The following TSPEAR variants were observed in gnomAD, a reference collection of about 807,000 sequenced individuals.
TSPEAR encodes thrombospondin-type laminin G domain and EAR repeat-containing protein.
In TSPEAR, 69 loss-of-function variants were observed where a neutral mutation model predicts 71.6. That is an observed-to-expected ratio of 0.96 (90% CI 0.79 to 1.18). The LOEUF is 1.18. Among genes scored for constraint, TSPEAR ranks in the 50% most tolerant of loss-of-function variants. The pLI is 0.00. For missense variants in TSPEAR, 971 were observed against 894.9 expected (o/e 1.09, Z -1.09); for synonymous variants, 402 against 387.2 (o/e 1.04, Z -0.45).
chr21:44,693,647 AT>A lies in TSPEAR; in HGVS notation c.82+17785del, dbSNP rs56891630. Among the ~76,000 whole-genome samples, 483 of 151,172 alleles carry A rather than the reference AT, an allele frequency of 3.2e-3. 5 individuals are homozygous for A. The highest frequency in any genetic ancestry group is 0.014 in the Middle Eastern group (4 of 292). On this transcript the variant is annotated intron_variant, in intron 1 of 11. Coordinates refer to ENST00000323084, the MANE Select transcript of TSPEAR (RefSeq NM_144991.3). ...CTTCACACCTACCAGGATGGCTGTA[AT>A]TTTTTTTTTTTAAAGGAAAATAACA... is the stretch of plus-strand genomic sequence containing the variant.
chr21:44,700,009 G>A (rs1987576910), intron 1 of TSPEAR, among the ~76,000 whole-genome samples: 2 of 152,168 alleles, frequency 1.3e-5, no homozygotes, highest in African/African-American at 2.4e-5. Flanking sequence ...AGCTTAGGGT[G>A]ATTTGCTAAA....
intron 1 of TSPEAR, among the ~76,000 whole-genome samples, chr21:44,619,877 C>T (rs1982335530): frequency 1.3e-5 from 2 of 152,182 alleles, no homozygotes; most frequent in African/African-American, 4.8e-5. Flanking sequence ...TCTGAAAAGA[C>T]CTGTGGGACA....
At chr21:44,666,342 C>T in intron 1 of TSPEAR, 1 of 1,307,096 alleles carries the variant, frequency 7.7e-7, no homozygotes, top group South Asian at 1.4e-5. Context: ...ACTGAGCATG[C>T]TTTTCACCTG....
At chr21:44,569,259 GAA>G (rs2053752817) in intron 1 of TSPEAR, among the ~76,000 whole-genome samples, 3 of 152,132 alleles carry the variant, frequency 2.0e-5, no homozygotes, top group Non-Finnish European at 4.4e-5. Context: ...CACAGGGTGT[GAA>G]ACGCAGGGTG....
intron 2 of TSPEAR, among the ~76,000 whole-genome samples, chr21:44,557,144 GT>G (rs2053545318): frequency 6.6e-6 from 1 of 152,210 alleles, no homozygotes; most frequent in Non-Finnish European, 1.5e-5. Context: ...TCTCATTCCT[GT>G]TGGTGACAAA....
chr21:44,646,991 G>T lies in TSPEAR; in HGVS notation c.82+64442C>A, dbSNP rs782115620. 2.5e-6 allele frequency: 4 copies of T among 1,613,670 alleles called. No homozygotes were observed. The East Asian group carries it at 8.9e-5, about 36-fold the overall frequency. ...CAGCAGTCTAGCTGCCAGCCAGCTT[G>T]CTGCACCTCCTCCTCCTACCAGCAG... is the stretch of plus-strand genomic sequence containing the variant. On this transcript the variant is annotated intron_variant, in intron 1 of 11. Coordinates refer to ENST00000323084, the MANE Select transcript of TSPEAR (RefSeq NM_144991.3).
At chr21:44,549,348 G>A (rs2053359437) in intron 2 of TSPEAR, among the ~76,000 whole-genome samples, 1 of 152,300 alleles carries the variant, frequency 6.6e-6, no homozygotes, top group Middle Eastern at 3.4e-3. Context: ...GAGAAACCTT[G>A]CCATATCTCA....
chr21:44,633,680 A>T (rs587715494), intron 1 of TSPEAR, among the ~76,000 whole-genome samples: 2 of 152,274 alleles, frequency 1.3e-5, no homozygotes, highest in Non-Finnish European at 2.9e-5. Context: ...AAGAATTTGT[A>T]TTCTGCTGTT....
At chr21:44,572,393 G>A (rs587662268) in intron 1 of TSPEAR, among the ~76,000 whole-genome samples, 34 of 152,210 alleles carry the variant, frequency 2.2e-4, no homozygotes, top group African/African-American at 6.7e-4. Context: ...CGGTGGTGTC[G>A]GGAAGCTGGC....
intron 1 of TSPEAR, among the ~76,000 whole-genome samples, chr21:44,705,569 G>GC (rs756493967): frequency 5.1e-4 from 77 of 152,232 alleles, no homozygotes; most frequent in Non-Finnish European, 9.0e-4. Context: ...CTCTGAACTG[G>GC]CCCCCCCGGG....
rs920475900 is a variant in TSPEAR at position 44,580,632 on chromosome 21, T to C, written c.83-12627A>G. ...GCTGGGGGAGGTGTGAGTGAGTGAG[T>C]GTGTGAGTGAGTGAAGGAGGGAGTG... On this transcript the variant is annotated intron_variant, in intron 1 of 11. Transcript: ENST00000323084. The C allele has an allele frequency of 3.5e-5, 54 of 1,543,736 alleles. No individual in the cohort carries two copies. In the East Asian group the frequency reaches 1.2e-3, roughly 35 times the overall value.
chr21:44,516,966 ACCCTGGGGCTTTCGGTCCTGTC>A (rs1381054235), intron 9 of TSPEAR, among the ~76,000 whole-genome samples: 2 of 152,068 alleles, frequency 1.3e-5, no homozygotes, highest in Non-Finnish European at 2.9e-5. Flanking sequence ...TCGCTCCTGC[ACCCTGGGGCTTTCGGTCCTGTC>A]CCACCTCAGC....
chr21:44,592,744 G>A (rs1980075583), intron 1 of TSPEAR, among the ~76,000 whole-genome samples: 1 of 152,178 alleles, frequency 6.6e-6, no homozygotes, highest in African/African-American at 2.4e-5. Context: ...GGTCCCAGCT[G>A]GGTTCGGGGA....
In TSPEAR at chr21:44,697,013, C is replaced by A. The variant is rs939704053; in HGVS notation, c.82+14420G>T. ...CACTCACTCACTCCCTCCTTCCCAT[C>A]CAGCACCCAGACGCTCACTCACTCC... On this transcript the variant is annotated intron_variant, in intron 1 of 11. Transcript: ENST00000323084. Among the ~76,000 whole-genome samples the A allele has an allele frequency of 3.2e-4, 44 of 139,214 alleles. 1 individual carries two copies. Among genetic ancestry groups the A allele is most frequent in the Non-Finnish European group, 6.1e-4 (38 of 62,010 alleles). The allele number at this position is 139,214 out of a possible 152,430, so 91.3% of individuals were successfully genotyped here. A position where few individuals can be genotyped will look rare whatever the true frequency, so the allele number is the denominator to read the frequency against.
At chr21:44,570,738 G>C (rs1283285020) in intron 1 of TSPEAR, among the ~76,000 whole-genome samples, 2 of 152,162 alleles carry the variant, frequency 1.3e-5, no homozygotes, top group East Asian at 1.9e-4. Flanking sequence ...GGAAAATAGA[G>C]GAAACTGATT....
At chr21:44,637,623 C>A (rs1555937155) in intron 1 of TSPEAR, 2 of 1,613,886 alleles carry the variant, frequency 1.2e-6, no homozygotes, top group South Asian at 1.1e-5. Flanking sequence ...TACACCAGCT[C>A]CTGCACAACC....
At chr21:44,708,234 G>C (rs1988042737) in intron 1 of TSPEAR, among the ~76,000 whole-genome samples, 1 of 152,046 alleles carries the variant, frequency 6.6e-6, no homozygotes. Context: ...TGGGGAGCTG[G>C]GCCCCCTGGA....
chr21:44,582,071 C>A (rs1979013971), intron 1 of TSPEAR, among the ~76,000 whole-genome samples: 1 of 152,204 alleles, frequency 6.6e-6, no homozygotes, highest in Non-Finnish European at 1.5e-5. Context: ...GCTTAACCCA[C>A]TTTCTGGGAC....
chr21:44,577,051 T>C (rs1390591487), intron 1 of TSPEAR, among the ~76,000 whole-genome samples: 1 of 152,092 alleles, frequency 6.6e-6, no homozygotes, highest in African/African-American at 2.4e-5. Context: ...TGAGTAAAAA[T>C]ATAAATCACA....
Sources: gnomAD v4.1 joint callset for allele counts (sites outside exome capture counted in the v4.1 genomes callset) on GRCh38, gnomAD v4.1.1 for gene constraint, MANE v1.5 for transcripts, NCBI Gene and HGNC (gene_info 2026-07-23, HGNC 2026-07-21) for gene names.